PCNX4: variants seen among roughly 807,000 people sequenced by gnomAD.
PCNX4 encodes pecanex 4, also known as pecanex-like protein 4.
Under a neutral mutation model 107.2 loss-of-function variants are expected in PCNX4, and 103 were observed. The observed-to-expected ratio is 0.96, with a 90% CI of 0.82 to 1.13. The LOEUF (loss-of-function observed/expected upper bound fraction) is 1.13, where lower values mean the gene tolerates loss of function less well. PCNX4 is among the 50% of genes most tolerant of loss of function. PCNX4 has a pLI of 0.00. For synonymous variants in PCNX4, 541 were observed against 481.7 expected, an observed-to-expected ratio of 1.12 and a Z score of -1.61; for missense variants, 1,528 against 1,379.4, an observed-to-expected ratio of 1.11 and a Z score of -1.71.
At chr14:60,120,987 G>A (rs1455947704) in intron 7 of PCNX4, among the ~76,000 whole-genome samples, 2 of 151,962 alleles carry the variant, frequency 1.3e-5, no homozygotes, top group Non-Finnish European at 2.9e-5. Flanking sequence ...ATCACCTGTA[G>A]ATTATCTGTT....
chr14:60,115,641 G>C (rs1025197225), intron 4 of PCNX4, 78 bp from the exon 5 acceptor site: 1 of 1,389,958 alleles, frequency 7.2e-7, no homozygotes, highest in African/African-American at 1.4e-5. Flanking sequence ...CATAAAAAAT[G>C]TGTATTTGCC....
chr14:60,131,193 A>G (rs766552051), intron 10 of PCNX4, among the ~76,000 whole-genome samples: 21 of 152,330 alleles, frequency 1.4e-4, no homozygotes, highest in Middle Eastern at 3.4e-3. Flanking sequence ...TATGGTATTT[A>G]GTTATACCAG....
chr14:60,095,802 A>AC (rs1400236066), intron 1 of PCNX4, among the ~76,000 whole-genome samples: 1 of 151,922 alleles, frequency 6.6e-6, no homozygotes, highest in Non-Finnish European at 1.5e-5. Flanking sequence ...AAAAAAAAAA[A>AC]ATAGGAAGAG....
At chr14:60,112,861 G>GTTAA (rs1895764958) in intron 2 of PCNX4, among the ~76,000 whole-genome samples, 1 of 152,160 alleles carries the variant, frequency 6.6e-6, no homozygotes, top group African/African-American at 2.4e-5. Flanking sequence ...ACATCACATT[G>GTTAA]TTAATGTTTT....
chr14:60,127,083 G>T (rs1025340487), intron 10 of PCNX4, among the ~76,000 whole-genome samples: 2 of 152,310 alleles, frequency 1.3e-5, no homozygotes, highest in Middle Eastern at 3.4e-3. Flanking sequence ...TATCTGCAAC[G>T]GAGTGTAGAC....
At position 60,144,987 on chromosome 14, in the gene PCNX4, G is replaced by A; in HGVS notation, c.*10766G>A. ...CTTTTCAGTCATGTTTTGTCTTAAA[G>A]ATTTTAAAATAAGAAGAGTCTGCAT... On this transcript the variant is annotated 3_prime_UTR_variant, in exon 11 of 11. Coordinates refer to ENST00000406854, the MANE Select transcript of PCNX4 (RefSeq NM_001330177.2). The A allele has an allele frequency of 6.2e-7, 1 of 1,602,642 alleles. No homozygotes were observed.
At chr14:60,132,163 A>G (rs1319849093) in intron 10 of PCNX4, among the ~76,000 whole-genome samples, 6 of 152,146 alleles carry the variant, frequency 3.9e-5, no homozygotes, top group South Asian at 2.1e-4. Context: ...GCCTCTTCCA[A>G]CTTCTGGTGG....
chr14:60,125,182 C>A lies in PCNX4; in HGVS notation c.3011C>A (p.Pro1004His). The change falls in exon 9 of 11, where the codon CCT becomes CAT. Residue 1004 changes from proline (P) to histidine (H), a missense_variant. By Grantham distance (77) the Pro-to-His change is moderately conservative. Coordinates refer to ENST00000406854, the MANE Select transcript of PCNX4 (RefSeq NM_001330177.2). ...TTGAGAGTTTACGGTGGTGTTTTGC[C>A]TTGGTCTGTTGCTTTGGACTGGCTC... ...HILRVYGGVL[P>H]WSVALDWLTE... 1 of 1,611,244 alleles carries A rather than the reference C, an allele frequency of 6.2e-7. No individual in the cohort carries two copies. The highest frequency in any genetic ancestry group is 1.1e-5 in the South Asian group (1 of 90,598).
chr14:60,103,414 A>G (rs1895570267), intron 1 of PCNX4, among the ~76,000 whole-genome samples: 1 of 152,258 alleles, frequency 6.6e-6, no homozygotes, highest in Non-Finnish European at 1.5e-5. Context: ...TGACTCTTCA[A>G]GATGACAGTA....
rs746648947 is a variant in PCNX4, at chr14:60,144,847, A to G, written c.*10626A>G. 4.8e-6 allele frequency: 4 copies of G among 841,980 alleles called. No individual in the cohort carries two copies. Among genetic ancestry groups the G allele is most frequent in the Admixed American group, 2.1e-5 (1 of 48,660 alleles). The allele number at this position is 841,980 out of a possible 1,614,324, so 52.2% of individuals were successfully genotyped here. A position where few individuals can be genotyped will look rare whatever the true frequency, so the allele number is the denominator to read the frequency against. On this transcript the variant is annotated 3_prime_UTR_variant, in exon 11 of 11. Transcript: ENST00000406854. ...TTCATTCCATGTTGGAAGCAAAGTC[A>G]TATCTATTAAAAAGTAAAATCACAA...
chr14:60,115,543 G>A (rs1029033240), intron 4 of PCNX4, 82 bp downstream of exon 4: 2 of 1,451,402 alleles, frequency 1.4e-6, no homozygotes, highest in African/African-American at 2.8e-5. Context: ...TCCCATATTT[G>A]TGTGGTATTA....
rs974662379 is a variant in PCNX4 at position 60,140,585 on chromosome 14, A to G, written c.*6364A>G. ...AAAAATCCCAAACAAAATACTAGCA[A>G]ACTAAACTACACACATACACACACA... On this transcript the variant is annotated 3_prime_UTR_variant, in exon 11 of 11. Transcript: ENST00000406854. The surrounding 1 kb of genome is among the most constrained non-coding windows in gnomAD (Gnocchi z 4.2). The G allele has an allele frequency of 1.4e-5, 2 of 147,942 alleles. No individual in the cohort carries two copies. Among genetic ancestry groups the G allele is most frequent in the Admixed American group, 1.3e-4 (2 of 14,996 alleles). 9.2% of individuals were successfully genotyped at this position (147,942 alleles called of 1,614,324 possible).
intron 1 of PCNX4, among the ~76,000 whole-genome samples, chr14:60,099,649 T>C (rs375466441): frequency 4.6e-5 from 7 of 152,208 alleles, no homozygotes; most frequent in African/African-American, 1.4e-4. Flanking sequence ...GAAGTAATAA[T>C]TTATCTTTTA....
In PCNX4 at chr14:60,114,727, A is replaced by G. The variant is rs1413988054; in HGVS notation, c.717A>G (p.Glu239=). ...HRFVVNMPAL[E]HMNQILHILF... ...TTGTGGTAAATATGCCAGCTCTAGA[A>G]CACATGAATCAGATTTTACACATCT... The change falls in exon 3 of 11, where the codon GAA becomes GAG. Residue 239 remains glutamate, a synonymous_variant. Coordinates refer to ENST00000406854, the MANE Select transcript of PCNX4 (RefSeq NM_001330177.2). The G allele has an allele frequency of 5.0e-6, 8 of 1,613,582 alleles. No individual in the cohort carries two copies. The South Asian group carries it at 8.8e-5, about 18-fold the overall frequency.
At chr14:60,092,881 CG>C (rs1424355710) in intron 1 of PCNX4, among the ~76,000 whole-genome samples, 3 of 152,220 alleles carry the variant, frequency 2.0e-5, no homozygotes, top group Admixed American at 6.5e-5. Flanking sequence ...TCCAGTGAAT[CG>C]GAAGTTGTTT....
rs770255362 is a variant in PCNX4 at position 60,115,770 on chromosome 14, G to A, written c.1409G>A (p.Gly470Glu). The A allele has an allele frequency of 6.2e-7, 1 of 1,613,254 alleles. No homozygotes were observed. Among genetic ancestry groups the A allele is most frequent in the South Asian group, 1.1e-5 (1 of 91,060 alleles). Residue 470 changes from glycine to glutamate, a missense_variant, in exon 5 of 11, where the codon GGG becomes GAG. Coordinates refer to ENST00000406854, the MANE Select transcript of PCNX4 (RefSeq NM_001330177.2). The stretch of plus-strand genomic sequence containing the variant: ...CTTTCATTGGACAGTTCCTTACAAG[G>A]GCTCCACTCAGTGTCTGTCTGTATT... ...AFLSLDSSLQGLHSVSVCIGF... is the reference protein window; with the variant it reads ...AFLSLDSSLQELHSVSVCIGF...
Position 60,145,388 on chromosome 14 carries a change from A to G in PCNX4, c.*11167A>G, listed in dbSNP as rs111610723. The G allele has an allele frequency of 5.6e-4, 87 of 155,036 alleles. 3 individuals are homozygous for G. In the Middle Eastern group the frequency reaches 0.02, roughly 35 times the overall value. 9.6% of individuals were successfully genotyped at this position (155,036 alleles called of 1,614,324 possible). On this transcript the variant is annotated 3_prime_UTR_variant, in exon 11 of 11. Coordinates refer to ENST00000406854, the MANE Select transcript of PCNX4 (RefSeq NM_001330177.2). The surrounding 1 kb of genome is among the most constrained non-coding windows in gnomAD (Gnocchi z 4.0). ...GATATATGGAAGATAACTCTTTAAAATTATTTGTGGCCAGGCAGGCACTGT... is the reference window on the plus strand; with the variant it reads ...GATATATGGAAGATAACTCTTTAAAGTTATTTGTGGCCAGGCAGGCACTGT...
In PCNX4 at chr14:60,145,666, C is replaced by T. The variant is rs942748970; in HGVS notation, c.*11445C>T. The T allele has an allele frequency of 6.6e-6, 1 of 151,828 alleles. No individual in the cohort carries two copies. Among genetic ancestry groups the T allele is most frequent in the African/African-American group, 2.4e-5 (1 of 41,278 alleles). 9.4% of individuals were successfully genotyped at this position (151,828 alleles called of 1,614,324 possible). A position where few individuals can be genotyped will look rare whatever the true frequency, so the allele number is the denominator to read the frequency against. On this transcript the variant is annotated 3_prime_UTR_variant, in exon 11 of 11. Transcript: ENST00000406854. The surrounding 1 kb of genome is among the most constrained non-coding windows in gnomAD (Gnocchi z 4.0). Reference sequence around the variant, plus strand: ...TCCAGCCTGGCCAACAAGAGGGAAACTCTGTCTCAAAAAAAATAAAAAGAA... The same window carrying T: ...TCCAGCCTGGCCAACAAGAGGGAAATTCTGTCTCAAAAAAAATAAAAAGAA...
At chr14:60,095,777 T>C (rs185732740) in intron 1 of PCNX4, among the ~76,000 whole-genome samples, 127 of 146,872 alleles carry the variant, frequency 8.6e-4, no homozygotes, top group Non-Finnish European at 1.4e-3. Context: ...TAAGAGGTCA[T>C]GTCCCATGAA....
Sources: gnomAD v4.1 joint callset for allele counts (sites outside exome capture counted in the v4.1 genomes callset) on GRCh38, gnomAD v4.1.1 for gene constraint, Gnocchi (gnomAD v3.1) non-coding constraint, MANE v1.5 for transcripts, NCBI Gene and HGNC (gene_info 2026-07-23, HGNC 2026-07-21) for gene names.